ADGRL3: variants seen among roughly 807,000 people sequenced by gnomAD.
ADGRL3 encodes adhesion G protein-coupled receptor L3.
Under a neutral mutation model 153.5 loss-of-function variants are expected in ADGRL3, and 62 were observed. The observed-to-expected ratio is 0.40, with a 90% CI of 0.33 to 0.50. ADGRL3 has a LOEUF of 0.50. Ranked by LOEUF, ADGRL3 falls within the 20% of genes least tolerant of loss-of-function variation. The pLI is 0.47. For missense variants in ADGRL3, 1,641 were observed against 1,859.4 expected (o/e 0.88, Z 2.16); for synonymous variants, 710 against 672.5 (o/e 1.06, Z -0.86).
intron 6 of ADGRL3, among the ~76,000 whole-genome samples, chr4:61,685,756 T>C (rs2095430856): frequency 6.6e-6 from 1 of 152,128 alleles, no homozygotes; most frequent in Non-Finnish European, 1.5e-5. Flanking sequence ...TTTTCAAGTT[T>C]CTAGGATCTG....
At chr4:61,641,705 G>A (rs1251431159) in intron 5 of ADGRL3, among the ~76,000 whole-genome samples, 4 of 151,700 alleles carry the variant, frequency 2.6e-5, no homozygotes, top group South Asian at 2.1e-4. Context: ...ATTTGGGTTG[G>A]TTCCAAGTCT....
At chr4:61,427,971 C>T (rs1276188711) in intron 2 of ADGRL3, 1 of 152,952 alleles carries the variant, frequency 6.5e-6, no homozygotes, top group Non-Finnish European at 1.5e-5. Context: ...TCCACCATCA[C>T]CCGTGTTTTC....
intron 6 of ADGRL3, among the ~76,000 whole-genome samples, chr4:61,702,016 A>G (rs1447540985): frequency 2.0e-5 from 3 of 152,192 alleles, no homozygotes; most frequent in Non-Finnish European, 4.4e-5. Flanking sequence ...GAATTAGGAC[A>G]TAAGTGTAAG....
intron 19 of ADGRL3, among the ~76,000 whole-genome samples, chr4:61,994,156 G>A (rs28394088): frequency 0.024 from 3,600 of 152,128 alleles, 150 homozygotes; most frequent in African/African-American, 0.083. Flanking sequence ...TTTTTGTTTT[G>A]TTTTTGTTTG....
At chr4:61,846,211 G>T (rs914183067) in intron 9 of ADGRL3, among the ~76,000 whole-genome samples, 2 of 151,770 alleles carry the variant, frequency 1.3e-5, no homozygotes, top group Non-Finnish European at 2.9e-5. Flanking sequence ...TAGCTACTTG[G>T]GGGGCTGAGG....
At chr4:61,346,781 C>CAAAAA (rs748059859) in intron 1 of ADGRL3, among the ~76,000 whole-genome samples, 1 of 44,738 alleles carries the variant, frequency 2.2e-5, no homozygotes, top group Non-Finnish European at 4.9e-5. Context: ...AGACCTGTCT[C>CAAAAA]AAAAAAAAAA....
At chr4:61,526,832 T>C (rs1440683397) in intron 4 of ADGRL3, among the ~76,000 whole-genome samples, 2 of 143,186 alleles carry the variant, frequency 1.4e-5, no homozygotes, top group Non-Finnish European at 3.2e-5. Context: ...TAATACCTTA[T>C]GAGATAAGTA....
At chr4:61,378,639 T>C (rs950434047) in intron 1 of ADGRL3, among the ~76,000 whole-genome samples, 3 of 152,046 alleles carry the variant, frequency 2.0e-5, no homozygotes, top group East Asian at 1.9e-4. Flanking sequence ...CTCGCTGTTA[T>C]GGAATTCTAT....
At chr4:61,633,116 T>C (rs980210910) in intron 5 of ADGRL3, among the ~76,000 whole-genome samples, 5 of 152,076 alleles carry the variant, frequency 3.3e-5, no homozygotes, top group African/African-American at 1.2e-4. Flanking sequence ...TCAATTGCAT[T>C]GTGTCCTCAT....
At position 61,200,382 on chromosome 4, in the gene ADGRL3, C is replaced by G. The variant is rs1734226782; in HGVS notation, c.-1623C>G. On this transcript the variant is annotated 5_prime_UTR_variant, in exon 1 of 27. Transcript: ENST00000683033. ...CTACCCCGCGCGCAGGCTGCACGGTCCCCGCGCGCCCGCGCTCTGACCCGC... is the reference window on the plus strand; with the variant it reads ...CTACCCCGCGCGCAGGCTGCACGGTGCCCGCGCGCCCGCGCTCTGACCCGC... Among the ~76,000 whole-genome samples the G allele has an allele frequency of 6.6e-6, 1 of 151,756 alleles. No individual in the cohort carries two copies. The highest frequency in any genetic ancestry group is 2.4e-5 in the African/African-American group (1 of 41,350).
chr4:61,531,695 A>T (rs2098617028), intron 4 of ADGRL3, among the ~76,000 whole-genome samples: 1 of 151,160 alleles, frequency 6.6e-6, no homozygotes, highest in Admixed American at 6.6e-5. Context: ...ACCAATACTG[A>T]TTTCAATAAT....
chr4:61,288,876 A>C (rs548530505), intron 1 of ADGRL3, among the ~76,000 whole-genome samples: 1 of 152,106 alleles, frequency 6.6e-6, no homozygotes, highest in South Asian at 2.1e-4. Context: ...TTTTAGTCAA[A>C]TATTTCATAT....
intron 13 of ADGRL3, among the ~76,000 whole-genome samples, chr4:61,929,118 C>T (rs1338608593): frequency 6.6e-6 from 1 of 152,020 alleles, no homozygotes; most frequent in Non-Finnish European, 1.5e-5. Context: ...ACTTACTCCC[C>T]GGTATAGTGG....
intron 6 of ADGRL3, among the ~76,000 whole-genome samples, chr4:61,697,159 A>G (rs1382146842): frequency 6.6e-6 from 1 of 152,212 alleles, no homozygotes; most frequent in Non-Finnish European, 1.5e-5. Flanking sequence ...AGAAGAAATA[A>G]TACAAATGTA....
chr4:61,516,031 G>C (rs2098491820), intron 3 of ADGRL3, among the ~76,000 whole-genome samples: 1 of 152,020 alleles, frequency 6.6e-6, no homozygotes, highest in Non-Finnish European at 1.5e-5. Flanking sequence ...ATCATACATT[G>C]TAATAAATTC....
intron 2 of ADGRL3, among the ~76,000 whole-genome samples, chr4:61,430,574 A>G (rs1459544361): frequency 6.6e-6 from 1 of 152,158 alleles, no homozygotes; most frequent in Admixed American, 6.5e-5. Context: ...TTTAGCCAAT[A>G]TATTTTATTC....
At chr4:61,415,119 A>AAT (rs1389981382) in intron 2 of ADGRL3, among the ~76,000 whole-genome samples, 1 of 151,900 alleles carries the variant, frequency 6.6e-6, no homozygotes, top group Non-Finnish European at 1.5e-5. Context: ...TAAAAACATA[A>AAT]CATTTAGAAA....
chr4:61,816,740 C>A (rs1165952541), intron 9 of ADGRL3, among the ~76,000 whole-genome samples: 2 of 152,120 alleles, frequency 1.3e-5, no homozygotes, highest in Non-Finnish European at 2.9e-5. Flanking sequence ...ATGCCAGCTG[C>A]AGCAGGGGAG....
chr4:61,252,951 C>T (rs1038392152), intron 1 of ADGRL3, among the ~76,000 whole-genome samples: 1 of 151,984 alleles, frequency 6.6e-6, no homozygotes. Flanking sequence ...CTTTTTTCTC[C>T]TCTGAGTGAG....
Sources: allele counts gnomAD v4.1 joint callset (sites outside exome capture counted in the v4.1 genomes callset), GRCh38; gene constraint gnomAD v4.1.1; transcripts MANE v1.5; gene names NCBI Gene and HGNC (gene_info 2026-07-23, HGNC 2026-07-21).